The following P2RX5 variants were observed in gnomAD, a reference collection of about 807,000 sequenced individuals.
P2RX5 encodes the protein purinergic receptor P2X 5, also known as P2X purinoceptor 5.
In P2RX5, 46 loss-of-function variants were observed where a neutral mutation model predicts 54.1. That is an observed-to-expected ratio of 0.85 (90% CI 0.67 to 1.09). P2RX5 has a LOEUF of 1.09. Ranked by LOEUF, P2RX5 falls within the 50% of genes least tolerant of loss-of-function variation. P2RX5 has a pLI of 0.00. For missense variants in P2RX5, 566 were observed against 549.8 expected, an observed-to-expected ratio of 1.03 and a Z score of -0.29; for synonymous variants, 226 against 226.4, an observed-to-expected ratio of 1.00 and a Z score of 0.02.
chr17:3,690,948 A>T lies in P2RX5; in HGVS notation c.360+8T>A, dbSNP rs752385683. On this transcript the variant is annotated splice_region_variant and intron_variant, in intron 3 of 11. Transcript: ENST00000225328. ...ACCCCCACGCCAGGGCCCCTCGCCA[A>T]ATCAAACCTCAGCACAGACGTTCTG... 1.2e-5 allele frequency: 19 copies of T among 1,611,364 alleles called. 1 individual carries two copies. In the South Asian group the frequency reaches 2.1e-4, roughly 18 times the overall value.
At chr17:3,695,053 G>C (rs569151193) in intron 1 of P2RX5, among the ~76,000 whole-genome samples, 1 of 152,348 alleles carries the variant, frequency 6.6e-6, no homozygotes, top group South Asian at 2.1e-4. Context: ...GGAGAGCCAG[G>C]CGTCAGGGCT....
chr17:3,720,438 A>C, the P2RX5 span: 1 of 959,758 alleles, frequency 1.0e-6, no homozygotes, highest in East Asian at 2.4e-5. Flanking sequence ...GAAACAAAAC[A>C]TATTTTAGAC....
chr17:3,677,541 G>A (rs1471559337), intron 11 of P2RX5: 1 of 985,282 alleles, frequency 1.0e-6, no homozygotes, highest in Non-Finnish European at 1.2e-6. Context: ...TGTTGTCCAA[G>A]AGCTTTCTCT....
the P2RX5 span, chr17:3,723,538 C>T: frequency 2.0e-6 from 2 of 1,005,540 alleles, no homozygotes; most frequent in South Asian, 2.9e-5. Flanking sequence ...CCAGCGGGAG[C>T]AATTGAGACC....
the P2RX5 span, among the ~76,000 whole-genome samples, chr17:3,722,832 A>G: frequency 6.6e-6 from 1 of 152,208 alleles, no homozygotes. Context: ...GAATGGCACA[A>G]TCTAATGTCT....
At chr17:3,719,283 ACT>A in the P2RX5 span, among the ~76,000 whole-genome samples, 1 of 149,950 alleles carries the variant, frequency 6.7e-6, no homozygotes, top group African/African-American at 2.5e-5. Context: ...GAAATACACT[ACT>A]TAAAAATAAA....
chr17:3,711,510 G>T, the P2RX5 span, among the ~76,000 whole-genome samples: 1 of 148,086 alleles, frequency 6.8e-6, no homozygotes, highest in Non-Finnish European at 1.5e-5. Flanking sequence ...AGCCTCCAGA[G>T]TAGCTGGGAT....
chr17:3,690,338 C>T lies in P2RX5; in HGVS notation c.533+89G>A. ...CTGACTCCTCCCTCAGCGTGAGGCT[C>T]CCAGAGTGGGCAGGACTCCACCCTC... is the stretch of plus-strand genomic sequence containing the variant. On this transcript the variant is annotated intron_variant, in intron 5 of 11. Coordinates refer to ENST00000225328, the MANE Select transcript of P2RX5 (RefSeq NM_002561.4). The T allele has an allele frequency of 2.5e-6, 3 of 1,199,886 alleles. No individual in the cohort carries two copies. In the East Asian group the frequency reaches 7.4e-5, roughly 30 times the overall value. The allele number at this position is 1,199,886 out of a possible 1,614,324, so 74.3% of individuals were successfully genotyped here.
intron 9 of P2RX5, among the ~76,000 whole-genome samples, chr17:3,683,744 A>G (rs1268961545): frequency 5.4e-5 from 8 of 147,728 alleles, no homozygotes; most frequent in Non-Finnish European, 1.1e-4. Context: ...AAAAAAAAAA[A>G]AAAAGAAAAG....
At chr17:3,693,896 C>T (rs2143001800) in intron 1 of P2RX5, among the ~76,000 whole-genome samples, 1 of 151,630 alleles carries the variant, frequency 6.6e-6, no homozygotes, top group African/African-American at 2.4e-5. Context: ...GTGCGAGTAG[C>T]TGAGATTACA....
intron 5 of P2RX5, 41 bp downstream of exon 5, chr17:3,690,386 G>T: frequency 6.7e-7 from 1 of 1,487,738 alleles, no homozygotes; most frequent in Non-Finnish European, 9.3e-7. Context: ...ACCGCACGGG[G>T]CTGGGAAACC....
the P2RX5 span, among the ~76,000 whole-genome samples, chr17:3,723,079 G>A: frequency 6.6e-6 from 1 of 152,352 alleles, no homozygotes; most frequent in Non-Finnish European, 1.5e-5. Flanking sequence ...GGAGTCACAG[G>A]TAATCCCTCG....
upstream of P2RX5, among the ~76,000 whole-genome samples, chr17:3,699,934 G>GAA (rs914683679): frequency 9.7e-6 from 1 of 103,310 alleles, no homozygotes; most frequent in African/African-American, 3.2e-5. Context: ...AAGAAAGAAA[G>GAA]AAAGAAAGAA....
the P2RX5 span, among the ~76,000 whole-genome samples, chr17:3,702,137 A>C: frequency 2.6e-5 from 4 of 152,272 alleles, no homozygotes; most frequent in East Asian, 5.8e-4. Context: ...TGCACCAATC[A>C]GCACTCTGTA....
At chr17:3,717,958 G>C in the P2RX5 span, 2 of 152,190 alleles carry the variant, frequency 1.3e-5, no homozygotes, top group African/African-American at 2.4e-5. Context: ...GGCCAGATGT[G>C]AGTAGAAGAA....
the P2RX5 span, among the ~76,000 whole-genome samples, chr17:3,707,422 C>G: frequency 6.6e-6 from 1 of 152,026 alleles, no homozygotes; most frequent in African/African-American, 2.4e-5. Context: ...GCCAAAAGAC[C>G]CCAGGCCTGG....
rs764881674 is a variant in P2RX5 at position 3,690,052 on chromosome 17, G to C, written c.614+18C>G. 3.8e-5 allele frequency: 61 copies of C among 1,610,964 alleles called. No homozygotes were observed. Among genetic ancestry groups the C allele is most frequent in the Non-Finnish European group, 5.0e-5 (59 of 1,177,258 alleles). ...GACCAAGGCCCACCCGTGGCCCCCA[G>C]TAGCCAAGCCCACGTACTTGGAGAA... On this transcript the variant is annotated intron_variant, in intron 6 of 11. Transcript: ENST00000225328.
At chr17:3,711,075 C>T in the P2RX5 span, among the ~76,000 whole-genome samples, 3 of 152,192 alleles carry the variant, frequency 2.0e-5, no homozygotes, top group Admixed American at 6.6e-5. Flanking sequence ...TCTACCATTT[C>T]CTGTCCCAGG....
upstream of P2RX5, among the ~76,000 whole-genome samples, chr17:3,699,853 A>AAAAAG (rs1567744234): frequency 1.2e-5 from 1 of 80,904 alleles, no homozygotes; most frequent in African/African-American, 3.8e-5. Context: ...AGAAAAAGAA[A>AAAAAG]AAAGAAAGAA....
Sources: allele counts gnomAD v4.1 joint callset (sites outside exome capture counted in the v4.1 genomes callset), GRCh38; gene constraint gnomAD v4.1.1; transcripts MANE v1.5; gene names NCBI Gene and HGNC (gene_info 2026-07-23, HGNC 2026-07-21).